SNED1: variants seen among roughly 807,000 people sequenced by gnomAD.
The protein encoded by SNED1 is sushi, nidogen and EGF-like domain-containing protein 1.
A neutral mutation model predicts 166.7 loss-of-function variants in SNED1; 81 were observed. That is an observed-to-expected ratio of 0.49 (90% confidence interval 0.41 to 0.58). The LOEUF (loss-of-function observed/expected upper bound fraction) is 0.58, where lower values mean the gene tolerates loss of function less well. Among genes scored for constraint, SNED1 ranks in the 20% least tolerant of loss-of-function variants. The pLI, the probability that SNED1 is intolerant of heterozygous loss-of-function variation, is 0.00. For missense variants in SNED1, 1,604 were observed against 2,000.2 expected, an observed-to-expected ratio of 0.80 and a Z score of 3.78; for synonymous variants, 762 against 822.0, an observed-to-expected ratio of 0.93 and a Z score of 1.25.
chr2:241,001,097 A>C (rs752466964), intron 1 of SNED1, among the ~76,000 whole-genome samples: 1 of 152,228 alleles, frequency 6.6e-6, no homozygotes, highest in Non-Finnish European at 1.5e-5. Flanking sequence ...GTCCAGCTCC[A>C]GTCTATAGGG....
intron 1 of SNED1, among the ~76,000 whole-genome samples, chr2:241,004,098 T>G (rs1009060981): frequency 6.6e-6 from 1 of 152,220 alleles, no homozygotes; most frequent in Non-Finnish European, 1.5e-5. Context: ...GGCTGGCCTC[T>G]GCTTGAGGCA....
At chr2:241,032,993 C>A (rs2061236745) in intron 2 of SNED1, among the ~76,000 whole-genome samples, 1 of 152,166 alleles carries the variant, frequency 6.6e-6, no homozygotes, top group Non-Finnish European at 1.5e-5. Context: ...TTCGGAAGCC[C>A]TTTGCAGTCA....
intron 16 of SNED1, 76 bp from the exon 17 acceptor site, chr2:241,062,715 C>G: frequency 3.2e-6 from 3 of 943,936 alleles, no homozygotes; most frequent in East Asian, 5.2e-5. Flanking sequence ...TCTGGCCCCT[C>G]AGGACTAGTT....
intron 31 of SNED1, 30 bp downstream of exon 31, chr2:241,088,432 C>G: frequency 6.3e-7 from 1 of 1,589,824 alleles, no homozygotes; most frequent in Non-Finnish European, 8.6e-7. Flanking sequence ...GCCCCACTAC[C>G]ACAGAGCTGC....
chr2:241,009,698 A>T lies in SNED1; in HGVS notation c.213+10648A>T, dbSNP rs572892022. 3.9e-5 allele frequency among the ~76,000 whole-genome samples: 6 copies of T among 152,174 alleles called. No homozygotes were observed. The East Asian group carries it at 1.2e-3, about 30-fold the overall frequency. On this transcript the variant is annotated intron_variant, in intron 1 of 31. Transcript: ENST00000310397. ...TCCCCTGTCCGGGGGCGCTGAATGCAGCTCAGATGTCCCCTCCTCCAGGAA... is the reference window on the plus strand; with the variant it reads ...TCCCCTGTCCGGGGGCGCTGAATGCTGCTCAGATGTCCCCTCCTCCAGGAA...
intron 1 of SNED1, among the ~76,000 whole-genome samples, chr2:241,028,011 G>T (rs1156918665): frequency 6.6e-6 from 1 of 152,124 alleles, no homozygotes; most frequent in Non-Finnish European, 1.5e-5. Context: ...GGGATTACAG[G>T]CGTGAGCCAC....
chr2:241,050,000 G>A, intron 12 of SNED1, 67 bp downstream of exon 12: 1 of 1,130,680 alleles, frequency 8.8e-7, no homozygotes, highest in Non-Finnish European at 1.3e-6. Context: ...CCGCCGTCCT[G>A]CTTCTCTGCT....
intron 6 of SNED1, among the ~76,000 whole-genome samples, chr2:241,039,682 GCACACCCTTCCAGGCTCAGT>G (rs1263585187): frequency 6.6e-6 from 1 of 152,110 alleles, no homozygotes; most frequent in Non-Finnish European, 1.5e-5. Context: ...CCTGGGTGCT[GCACACCCTTCCAGGCTCAGT>G]CACAGCCTGC....
chr2:241,002,309 CAT>C (rs910100059), intron 1 of SNED1, among the ~76,000 whole-genome samples: 10 of 152,278 alleles, frequency 6.6e-5, no homozygotes, highest in African/African-American at 1.2e-4. Context: ...TGGGAGCAGA[CAT>C]GTGGGGAGAA....
rs1020247449 is a variant in SNED1, at chr2:241,037,356, A to G, written c.1045+3A>G. 2.5e-6 allele frequency: 4 copies of G among 1,598,264 alleles called. No individual in the cohort carries two copies. Among genetic ancestry groups the G allele is most frequent in the Non-Finnish European group, 3.4e-6 (4 of 1,171,072 alleles). Reference sequence around the variant, plus strand: ...TGGGGGACCCACCTGTGAGACAGGTAAGAGGAACCCACCGGGGCCCACGGG... The same window carrying G: ...TGGGGGACCCACCTGTGAGACAGGTGAGAGGAACCCACCGGGGCCCACGGG... On this transcript the variant is annotated splice_donor_region_variant and intron_variant, in intron 6 of 31. Coordinates refer to ENST00000310397, the MANE Select transcript of SNED1 (RefSeq NM_001080437.3).
At chr2:241,036,325 G>A (rs1380469197) in intron 4 of SNED1, among the ~76,000 whole-genome samples, 1 of 151,492 alleles carries the variant, frequency 6.6e-6, no homozygotes, top group Non-Finnish European at 1.5e-5. Flanking sequence ...AGCCCAGAGC[G>A]GCCGCCCAGC....
At chr2:241,074,357 T>C (rs2062911496) in intron 27 of SNED1, 2 of 152,132 alleles carry the variant, frequency 1.3e-5, no homozygotes, top group Non-Finnish European at 2.9e-5. Context: ...GAGGACTGGT[T>C]TGTGCATCCG....
intron 27 of SNED1, among the ~76,000 whole-genome samples, chr2:241,076,723 A>G (rs1192222263): frequency 6.6e-6 from 1 of 152,056 alleles, no homozygotes; most frequent in East Asian, 1.9e-4. Context: ...AAGGATAGGC[A>G]TTTAGATCAG....
rs376890393 is a variant in SNED1 at position 241,082,363 on chromosome 2, G to A, written c.4120G>A (p.Val1374Met). 2.2e-5 allele frequency: 36 copies of A among 1,612,024 alleles called. No homozygotes were observed. The highest frequency in any genetic ancestry group is 1.6e-4 in the Middle Eastern group (1 of 6,080). The change falls in exon 29 of 32, where the codon GTG (valine) becomes ATG (methionine). Residue 1374 changes from valine to methionine, a missense_variant and splice_region_variant. Physicochemically the swap from Val to Met is conservative, Grantham distance 21. Coordinates refer to ENST00000310397, the MANE Select transcript of SNED1 (RefSeq NM_001080437.3). Reference protein sequence around the residue: ...PVWEGGVCHHVYKRVYRVHQD... With the variant: ...PVWEGGVCHHMYKRVYRVHQD... ...CTGGGAGGGAGGCGTCTGTCACCAC[G>A]TGTAAGTTGGTTTCTGTCCTCCGCC...
At position 241,082,320 on chromosome 2, in the gene SNED1, G is replaced by C. The variant is rs539827809; in HGVS notation, c.4077G>C (p.Glu1359Asp). The C allele has an allele frequency of 1.9e-6, 3 of 1,613,702 alleles. No homozygotes were observed. The South Asian group carries it at 3.3e-5, about 18-fold the overall frequency. ...GCCCCTGCACAAGGCTGTTCTCCGAGACAAAGGCCTTTCCAGTCTGGGAGG... is the reference window on the plus strand; with the variant it reads ...GCCCCTGCACAAGGCTGTTCTCCGACACAAAGGCCTTTCCAGTCTGGGAGG... Reference protein sequence around the residue: ...VSRPCTRLFSETKAFPVWEGG... With the variant: ...VSRPCTRLFSDTKAFPVWEGG... Residue 1359 changes from glutamate (E) to aspartate (D), a missense_variant, in exon 29 of 32, where the codon GAG becomes GAC. By Grantham distance (45) the Glu-to-Asp change is conservative. This residue lies in a region of SNED1 where 367 missense variants were observed against 379.4 expected (regional missense o/e 0.97). Coordinates refer to ENST00000310397, the MANE Select transcript of SNED1 (RefSeq NM_001080437.3).
At chr2:240,997,971 A>C (rs1194832106), upstream of SNED1, among the ~76,000 whole-genome samples, 1 of 152,154 alleles carries the variant, frequency 6.6e-6, no homozygotes, top group Non-Finnish European at 1.5e-5. Context: ...TCCTGCCCCC[A>C]CCTGCCAAGG....
At position 241,067,748 on chromosome 2, in the gene SNED1, A is replaced by C. The variant is rs1260152976; in HGVS notation, c.3011-16A>C. The C allele has an allele frequency of 5.0e-6, 8 of 1,588,786 alleles. No individual in the cohort carries two copies. The highest frequency in any genetic ancestry group is 6.0e-6 in the Non-Finnish European group (7 of 1,160,954). On this transcript the variant is annotated splice_polypyrimidine_tract_variant and intron_variant, in intron 21 of 31. Transcript: ENST00000310397. ...AAGGAGGGGCCGGCACCTGCTGAAC[A>C]GTCCATTCCCCCTAGGACCCCGCCC...
In SNED1 at chr2:240,999,121, C is replaced by T; in HGVS notation, c.213+71C>T. The T allele has an allele frequency of 1.0e-6, 1 of 962,638 alleles. No homozygotes were observed. Among genetic ancestry groups the T allele is most frequent in the East Asian group, 3.7e-5 (1 of 26,730 alleles). The allele number at this position is 962,638 out of a possible 1,614,324, so 59.6% of individuals were successfully genotyped here. ...TGCGCCCCGGCCGCTGCCCGCCGGG[C>T]CCGGACTCCCGCCGCCGCCGCCAGC... On this transcript the variant is annotated intron_variant, in intron 1 of 31. Transcript: ENST00000310397. The surrounding 1 kb of genome is among the most constrained non-coding windows in gnomAD (Gnocchi z 5.8).
At chr2:241,083,901 T>C (rs2063450243) in intron 29 of SNED1, among the ~76,000 whole-genome samples, 1 of 133,750 alleles carries the variant, frequency 7.5e-6, no homozygotes, top group South Asian at 2.2e-4. Context: ...ACTGCCATAT[T>C]ACTATTTGTT....
Sources: gnomAD v4.1 joint callset for allele counts (sites outside exome capture counted in the v4.1 genomes callset) on GRCh38, gnomAD v4.1.1 for gene constraint, gnomAD v4.1.1 regional missense constraint, Gnocchi (gnomAD v3.1) non-coding constraint, MANE v1.5 for transcripts, NCBI Gene and HGNC (gene_info 2026-07-23, HGNC 2026-07-21) for gene names.